Variants in JCHAIN observed in about 807,000 individuals in gnomAD.
The protein encoded by JCHAIN is joining chain of multimeric IgA and IgM, also known as immunoglobulin J chain.
A neutral mutation model predicts 11.1 loss-of-function variants in JCHAIN; 5 were observed. That is an observed-to-expected ratio of 0.45 (90% confidence interval 0.24 to 0.95). The LOEUF (loss-of-function observed/expected upper bound fraction) is 0.95. Among genes scored for constraint, JCHAIN ranks in the 40% least tolerant of loss-of-function variants. JCHAIN has a pLI of 0.21. For missense variants in JCHAIN, 165 were observed against 192.7 expected (o/e 0.86, Z 0.85); for synonymous variants, 51 against 67.8 (o/e 0.75, Z 1.22).
At chr4:70,664,590 T>G (rs917912639) in intron 1 of JCHAIN, among the ~76,000 whole-genome samples, 1 of 152,160 alleles carries the variant, frequency 6.6e-6, no homozygotes, top group African/African-American at 2.4e-5. Flanking sequence ...TCTGACACTG[T>G]GTAATATTGG....
chr4:70,663,905 T>C (rs1373627489), intron 1 of JCHAIN, among the ~76,000 whole-genome samples: 1 of 151,696 alleles, frequency 6.6e-6, no homozygotes, highest in Non-Finnish European at 1.5e-5. Flanking sequence ...ACATAAGTAA[T>C]GCTATTAAAT....
rs917916817 is a variant in JCHAIN at position 70,664,333 on chromosome 4, T to TA, written c.64+2093dup. On this transcript the variant is annotated intron_variant, in intron 1 of 3. Coordinates refer to ENST00000254801, the MANE Select transcript of JCHAIN (RefSeq NM_144646.4). Reference sequence around the variant, plus strand: ...ACAATTCCTCTCATTAAGCCTCAACTAAAAAAAAAACATTTAGTATACGAA... The same window carrying TA: ...ACAATTCCTCTCATTAAGCCTCAACTAAAAAAAAAAACATTTAGTATACGAA... Among the ~76,000 whole-genome samples the TA allele has an allele frequency of 2.0e-4, 29 of 147,646 alleles. 1 individual carries two copies. The highest frequency in any genetic ancestry group is 3.9e-4 in the East Asian group (2 of 5,084).
intron 2 of JCHAIN, among the ~76,000 whole-genome samples, chr4:70,658,182 T>G (rs1050759582): frequency 6.6e-6 from 1 of 152,156 alleles, no homozygotes; most frequent in African/African-American, 2.4e-5. Context: ...GTGAAATCCA[T>G]CCACTTGCCT....
At chr4:70,659,954 A>G (rs1739024246) in intron 2 of JCHAIN, among the ~76,000 whole-genome samples, 1 of 152,180 alleles carries the variant, frequency 6.6e-6, no homozygotes, top group African/African-American at 2.4e-5. Context: ...AGATCAACAC[A>G]TCAGGCAAAG....
intron 3 of JCHAIN, 93 bp downstream of exon 3, chr4:70,657,118 A>G (rs2148527398): frequency 1.5e-6 from 1 of 653,998 alleles, no homozygotes; most frequent in Non-Finnish European, 2.7e-6. Context: ...TTTATACTCC[A>G]ACATATTTTT....
intron 1 of JCHAIN, among the ~76,000 whole-genome samples, chr4:70,664,730 A>C (rs1317874605): frequency 6.6e-6 from 1 of 152,214 alleles, no homozygotes; most frequent in Non-Finnish European, 1.5e-5. Context: ...TTTCTCAATG[A>C]AATATAAATG....
chr4:70,658,305 C>T (rs1317009730), intron 2 of JCHAIN, among the ~76,000 whole-genome samples: 3 of 152,196 alleles, frequency 2.0e-5, no homozygotes, highest in African/African-American at 7.2e-5. Context: ...TATTGCCAAA[C>T]ATCCTTTCTA....
intron 2 of JCHAIN, 85 bp downstream of exon 2, chr4:70,662,007 G>A: frequency 7.7e-7 from 1 of 1,292,722 alleles, no homozygotes; most frequent in South Asian, 1.3e-5. Flanking sequence ...GAGTAAAGAG[G>A]CAGGTGTTAC....
At chr4:70,657,335 G>C in intron 2 of JCHAIN, 44 bp from the exon 3 acceptor site, 1 of 1,224,090 alleles carries the variant, frequency 8.2e-7, no homozygotes, top group South Asian at 1.2e-5. Context: ...ATGAAATGCA[G>C]ATATTGTTAT....
intron 2 of JCHAIN, among the ~76,000 whole-genome samples, chr4:70,659,422 C>A (rs567628073): frequency 1.6e-4 from 24 of 151,568 alleles, no homozygotes; most frequent in African/African-American, 5.8e-4. Context: ...ATGAGGAGTG[C>A]ATATGTAGTT....
At chr4:70,664,613 T>C (rs1360809592) in intron 1 of JCHAIN, among the ~76,000 whole-genome samples, 2 of 152,202 alleles carry the variant, frequency 1.3e-5, no homozygotes, top group Non-Finnish European at 2.9e-5. Context: ...AGAAACATTA[T>C]GGAGTAAATT....
chr4:70,657,538 G>A (rs1443554844), intron 2 of JCHAIN, among the ~76,000 whole-genome samples: 1 of 152,004 alleles, frequency 6.6e-6, no homozygotes, highest in East Asian at 1.9e-4. Context: ...GCAAATTTTT[G>A]CTTTTCCTTT....
chr4:70,656,030 T>G lies in JCHAIN; in HGVS notation c.*299A>C. ...GTCCTTGAGTTTTATTTTCTCCCCT[T>G]GTTTATTTGTTTAATGCTAGAAACT... On this transcript the variant is annotated 3_prime_UTR_variant, in exon 4 of 4. Coordinates refer to ENST00000254801, the MANE Select transcript of JCHAIN (RefSeq NM_144646.4). 4.7e-6 allele frequency: 1 copy of G among 210,784 alleles called. No individual in the cohort carries two copies. The highest frequency in any genetic ancestry group is 2.3e-5 in the African/African-American group (1 of 43,752). The allele number at this position is 210,784 out of a possible 1,614,324, so 13.1% of individuals were successfully genotyped here. A position where few individuals can be genotyped will look rare whatever the true frequency, so the allele number is the denominator to read the frequency against.
chr4:70,658,403 C>T (rs16845335), intron 2 of JCHAIN, among the ~76,000 whole-genome samples: 3,413 of 152,234 alleles, frequency 0.022, 114 homozygotes, highest in African/African-American at 0.072. Flanking sequence ...ATAGAAGGCA[C>T]GTATCCTAAT....
intron 2 of JCHAIN, among the ~76,000 whole-genome samples, chr4:70,660,575 G>A (rs1319766308): frequency 1.3e-5 from 2 of 151,954 alleles, no homozygotes; most frequent in Admixed American, 6.6e-5. Flanking sequence ...GTAGAGACGG[G>A]GTTTCACCAT....
At chr4:70,661,380 C>T (rs772697499) in intron 2 of JCHAIN, among the ~76,000 whole-genome samples, 8 of 152,114 alleles carry the variant, frequency 5.3e-5, no homozygotes, top group Non-Finnish European at 1.0e-4. Context: ...TCGATGCAGA[C>T]ATCTGGTTAC....
intron 2 of JCHAIN, among the ~76,000 whole-genome samples, chr4:70,661,045 A>G (rs1355667708): frequency 2.2e-4 from 33 of 152,236 alleles, no homozygotes; most frequent in Admixed American, 2.0e-3. Context: ...ACACACAACT[A>G]TTAAGTGTCC....
chr4:70,664,734 A>G (rs1739120464), intron 1 of JCHAIN, among the ~76,000 whole-genome samples: 1 of 152,218 alleles, frequency 6.6e-6, no homozygotes, highest in Non-Finnish European at 1.5e-5. Flanking sequence ...TCAATGAAAT[A>G]TAAATGAGCA....
intron 1 of JCHAIN, chr4:70,663,674 C>T (rs1739100059): frequency 6.6e-6 from 1 of 152,414 alleles, no homozygotes; most frequent in South Asian, 2.1e-4. Flanking sequence ...GATTCTCCTG[C>T]CTCAACCTCC....
Sources: gnomAD v4.1 joint callset for allele counts (sites outside exome capture counted in the v4.1 genomes callset) on GRCh38, gnomAD v4.1.1 for gene constraint, MANE v1.5 for transcripts, NCBI Gene and HGNC (gene_info 2026-07-23, HGNC 2026-07-21) for gene names.